KIAA1217: variants seen among roughly 807,000 people sequenced by gnomAD.
KIAA1217 encodes sickle tail protein homolog.
KIAA1217 carries 88 observed loss-of-function variants against 163.9 expected under a neutral mutation model. The observed-to-expected ratio is 0.54, with a 90% CI of 0.45 to 0.64. The LOEUF (loss-of-function observed/expected upper bound fraction) is 0.64. Ranked by LOEUF, KIAA1217 falls within the 30% of genes least tolerant of loss-of-function variation. KIAA1217 has a pLI of 0.00. For missense variants in KIAA1217, 2,372 were observed against 2,475.0 expected, an observed-to-expected ratio of 0.96 and a Z score of 0.88; for synonymous variants, 903 against 923.1, an observed-to-expected ratio of 0.98 and a Z score of 0.39.
intron 2 of KIAA1217, among the ~76,000 whole-genome samples, chr10:24,066,604 T>G (rs1221942161): frequency 6.6e-6 from 1 of 152,210 alleles, no homozygotes. Flanking sequence ...TTTTGGTGAA[T>G]CTGACAATTA....
intron 1 of KIAA1217, among the ~76,000 whole-genome samples, chr10:23,844,966 T>A (rs1187224951): frequency 2.0e-5 from 3 of 152,162 alleles, no homozygotes; most frequent in African/African-American, 4.8e-5. Context: ...AACTCCCACT[T>A]ATGAGTGAGA....
chr10:24,411,964 A>G (rs911558567), intron 3 of KIAA1217, among the ~76,000 whole-genome samples: 2 of 152,072 alleles, frequency 1.3e-5, no homozygotes, highest in Non-Finnish European at 2.9e-5. Flanking sequence ...GTAACATCCA[A>G]CTCGTACACA....
At chr10:24,397,954 G>T (rs2130976953) in intron 3 of KIAA1217, among the ~76,000 whole-genome samples, 1 of 152,200 alleles carries the variant, frequency 6.6e-6, no homozygotes, top group Non-Finnish European at 1.5e-5. Context: ...GTGACATTGG[G>T]CAAGTTAATC....
intron 2 of KIAA1217, among the ~76,000 whole-genome samples, chr10:24,184,236 G>A (rs1306861047): frequency 6.6e-6 from 1 of 152,136 alleles, no homozygotes; most frequent in Admixed American, 6.5e-5. Context: ...TCATTTGTGG[G>A]ACTTGAAATG....
intron 9 of KIAA1217, 76 bp downstream of exon 9, chr10:24,501,621 G>A (rs2067597419): frequency 7.5e-7 from 1 of 1,339,362 alleles, no homozygotes; most frequent in African/African-American, 1.4e-5. Context: ...GGGGCTCCGT[G>A]AAGACCTAGA....
intron 2 of KIAA1217, among the ~76,000 whole-genome samples, chr10:24,335,728 G>T (rs1030781005): frequency 2.0e-5 from 3 of 151,534 alleles, no homozygotes; most frequent in African/African-American, 7.3e-5. Context: ...TCCTGCTTCA[G>T]CCTCTCAGGT....
intron 1 of KIAA1217, among the ~76,000 whole-genome samples, chr10:23,898,208 A>T (rs1422285769): frequency 6.6e-6 from 1 of 152,016 alleles, no homozygotes; most frequent in East Asian, 1.9e-4. Context: ...CCTGGAACTC[A>T]GTTCTGTATA....
intron 3 of KIAA1217, among the ~76,000 whole-genome samples, chr10:24,418,843 G>A (rs1180082396): frequency 6.6e-6 from 1 of 151,376 alleles, no homozygotes; most frequent in Non-Finnish European, 1.5e-5. Flanking sequence ...TTTTTCCTGG[G>A]GCCATGATTA....
At chr10:24,368,350 G>A (rs2051080648) in intron 2 of KIAA1217, among the ~76,000 whole-genome samples, 1 of 152,062 alleles carries the variant, frequency 6.6e-6, no homozygotes, top group African/African-American at 2.4e-5. Flanking sequence ...ACATTGCCCA[G>A]TGGGATTTTC....
At chr10:23,817,729 T>C (rs1438537210) in intron 1 of KIAA1217, among the ~76,000 whole-genome samples, 1 of 151,710 alleles carries the variant, frequency 6.6e-6, no homozygotes, top group African/African-American at 2.4e-5. Context: ...GTTACAGAAA[T>C]AGTACTAGTC....
intron 2 of KIAA1217, among the ~76,000 whole-genome samples, chr10:24,191,132 ACT>A (rs1319731935): frequency 6.6e-6 from 1 of 152,164 alleles, no homozygotes; most frequent in Non-Finnish European, 1.5e-5. Context: ...GTGAACTGAG[ACT>A]GTGGCGCTGC....
intron 1 of KIAA1217, among the ~76,000 whole-genome samples, chr10:23,918,905 G>A (rs1842734848): frequency 6.6e-6 from 1 of 152,114 alleles, no homozygotes; most frequent in Non-Finnish European, 1.5e-5. Context: ...AAGTCCCTAA[G>A]CCTAATTAGA....
chr10:24,233,803 T>C (rs1330894423), intron 2 of KIAA1217, among the ~76,000 whole-genome samples: 1 of 152,220 alleles, frequency 6.6e-6, no homozygotes, highest in Non-Finnish European at 1.5e-5. Flanking sequence ...ATTGTATTAT[T>C]CATTTCTTCT....
intron 2 of KIAA1217, among the ~76,000 whole-genome samples, chr10:24,269,545 A>G (rs1322547701): frequency 6.6e-6 from 1 of 152,188 alleles, no homozygotes; most frequent in Non-Finnish European, 1.5e-5. Context: ...AGATTGCTTT[A>G]AACATTCATC....
intron 3 of KIAA1217, among the ~76,000 whole-genome samples, chr10:24,401,148 G>T (rs1052471466): frequency 6.6e-6 from 1 of 151,348 alleles, no homozygotes; most frequent in Non-Finnish European, 1.5e-5. Context: ...AAGAGTAATA[G>T]CTTCAAAATC....
rs142477882 is a variant in KIAA1217, at chr10:23,787,861, G to A, written c.-321+92627G>A. 3.3e-5 allele frequency among the ~76,000 whole-genome samples: 5 copies of A among 151,976 alleles called. No individual in the cohort carries two copies. The East Asian group carries it at 9.7e-4, about 29-fold the overall frequency. On this transcript the variant is annotated intron_variant, in intron 1 of 18. Transcript: ENST00000376462. Reference sequence around the variant, plus strand: ...ATTTGTGAAAATGTTGTTACCTTGTGTTTAGTGTTTCCTTCATTGGTAAGT... The same window carrying A: ...ATTTGTGAAAATGTTGTTACCTTGTATTTAGTGTTTCCTTCATTGGTAAGT...
chr10:23,805,377 G>T (rs1478503524), intron 1 of KIAA1217, among the ~76,000 whole-genome samples: 1 of 152,100 alleles, frequency 6.6e-6, no homozygotes, highest in Non-Finnish European at 1.5e-5. Context: ...CCTCTGCAGG[G>T]ACATGGATGG....
intron 3 of KIAA1217, among the ~76,000 whole-genome samples, chr10:24,404,566 CAAAAAAAAAA>C (rs57209065): frequency 9.8e-4 from 50 of 51,186 alleles, no homozygotes; most frequent in Admixed American, 2.0e-3. Flanking sequence ...GACTCTGTCT[CAAAAAAAAAA>C]AAAAAAAAAA....
At chr10:24,069,617 T>C (rs1411656934) in intron 2 of KIAA1217, among the ~76,000 whole-genome samples, 1 of 152,208 alleles carries the variant, frequency 6.6e-6, no homozygotes, top group African/African-American at 2.4e-5. Context: ...AGAAGAGGTT[T>C]GCCTCCAATT....
Sources: allele counts gnomAD v4.1 joint callset (sites outside exome capture counted in the v4.1 genomes callset), GRCh38; gene constraint gnomAD v4.1.1; transcripts MANE v1.5; gene names NCBI Gene and HGNC (gene_info 2026-07-23, HGNC 2026-07-21).